The following MDGA2 variants were observed in gnomAD, a reference collection of about 807,000 sequenced individuals.
MDGA2 encodes the protein MAM domain-containing glycosylphosphatidylinositol anchor protein 2.
In MDGA2, 40 loss-of-function variants were observed where a neutral mutation model predicts 117.8. The ratio of observed to expected loss-of-function variants is 0.34; its 90% CI spans 0.26 to 0.44. The LOEUF (loss-of-function observed/expected upper bound fraction) is 0.44, where lower values mean the gene tolerates loss of function less well. MDGA2 is among the 20% of genes least tolerant of loss of function. The pLI, the probability that MDGA2 is intolerant of heterozygous loss-of-function variation, is 1.00. For synonymous variants in MDGA2, 452 were observed against 439.0 expected, an observed-to-expected ratio of 1.03 and a Z score of -0.37; for missense variants, 1,123 against 1,250.6, an observed-to-expected ratio of 0.90 and a Z score of 1.54.
intron 9 of MDGA2, among the ~76,000 whole-genome samples, chr14:46,941,539 A>C (rs1161898462): frequency 2.0e-5 from 3 of 152,174 alleles, no homozygotes; most frequent in Non-Finnish European, 4.4e-5. Context: ...GACAGAGGCC[A>C]GGTGCTTAAA....
In MDGA2 at chr14:46,867,921, T is replaced by C. The variant is rs573975349; in HGVS notation, c.2752+5512A>G. Among the ~76,000 whole-genome samples, 139 of 30,016 alleles carry C rather than the reference T, an allele frequency of 4.6e-3. 1 individual carries two copies. Among genetic ancestry groups the C allele is most frequent in the South Asian group, 0.031 (16 of 512 alleles). 19.7% of individuals were successfully genotyped at this position (30,016 alleles called of 152,430 possible). ...AGTTAAGTCAATAATAAACTTCATCTTCTGTCTGTTTTTTTTTTTACAATC... is the reference window on the plus strand; with the variant it reads ...AGTTAAGTCAATAATAAACTTCATCCTCTGTCTGTTTTTTTTTTTACAATC... On this transcript the variant is annotated intron_variant, in intron 14 of 16. Coordinates refer to ENST00000399232, the MANE Select transcript of MDGA2 (RefSeq NM_001113498.3).
At chr14:47,167,536 A>G (rs2139304047) in intron 3 of MDGA2, among the ~76,000 whole-genome samples, 1 of 152,220 alleles carries the variant, frequency 6.6e-6, no homozygotes, top group South Asian at 2.1e-4. Flanking sequence ...TTCACAAGAG[A>G]CAAAGTTACA....
At chr14:46,873,230 A>C (rs1882086685) in intron 14 of MDGA2, 1 of 476,488 alleles carries the variant, frequency 2.1e-6, no homozygotes. Flanking sequence ...GTAGGTGATG[A>C]TCTAAAATGT....
At chr14:47,225,635 G>T (rs1331781006) in intron 2 of MDGA2, among the ~76,000 whole-genome samples, 1 of 151,262 alleles carries the variant, frequency 6.6e-6, no homozygotes, top group African/African-American at 2.4e-5. Context: ...ACACAGGAAG[G>T]GGAACATCAC....
chr14:47,038,848 G>A (rs1328182428), intron 7 of MDGA2, among the ~76,000 whole-genome samples: 2 of 151,714 alleles, frequency 1.3e-5, no homozygotes, highest in East Asian at 3.9e-4. Context: ...AGGCTTAGGG[G>A]CTCAGGCAGG....
intron 1 of MDGA2, among the ~76,000 whole-genome samples, chr14:47,526,165 TAC>T (rs1198080103): frequency 6.6e-6 from 1 of 152,192 alleles, no homozygotes; most frequent in African/African-American, 2.4e-5. Context: ...ATATTAATCA[TAC>T]TTAGGCGTTC....
chr14:46,875,120 T>C (rs574192482), intron 12 of MDGA2, among the ~76,000 whole-genome samples: 2 of 151,896 alleles, frequency 1.3e-5, no homozygotes, highest in South Asian at 4.1e-4. Context: ...GGAGAAAACT[T>C]TGGCAAAGGT....
intron 9 of MDGA2, among the ~76,000 whole-genome samples, chr14:46,924,854 A>T (rs1884266693): frequency 6.6e-6 from 1 of 152,124 alleles, no homozygotes; most frequent in Non-Finnish European, 1.5e-5. Flanking sequence ...GGGATCAAAA[A>T]ACACTGCTGA....
chr14:47,493,140 T>A, intron 1 of MDGA2, among the ~76,000 whole-genome samples: 1 of 151,864 alleles, frequency 6.6e-6, no homozygotes, highest in East Asian at 1.9e-4. Context: ...ATCTTTGCAA[T>A]CTTTAAGGTA....
In MDGA2 at chr14:46,920,004, T is replaced by A; in HGVS notation, c.2238+8A>T. Reference sequence around the variant, plus strand: ...CAAAGAAAAAAGGACATCAGTTAGATTTCTCACCTGCCTGATGCCCAACCG... The same window carrying A: ...CAAAGAAAAAAGGACATCAGTTAGAATTCTCACCTGCCTGATGCCCAACCG... On this transcript the variant is annotated splice_region_variant and intron_variant, in intron 10 of 16. Coordinates refer to ENST00000399232, the MANE Select transcript of MDGA2 (RefSeq NM_001113498.3). 6.4e-7 allele frequency: 1 copy of A among 1,564,718 alleles called. No homozygotes were observed. The highest frequency in any genetic ancestry group is 1.7e-4 in the Middle Eastern group (1 of 5,932).
chr14:47,608,183 T>C (rs1896775539), intron 1 of MDGA2, among the ~76,000 whole-genome samples: 3 of 152,148 alleles, frequency 2.0e-5, no homozygotes, highest in Non-Finnish European at 2.9e-5. Flanking sequence ...GAATGATGCA[T>C]AGCATGTATC....
intron 1 of MDGA2, 53 bp downstream of exon 1, chr14:47,674,464 G>T: frequency 6.8e-7 from 1 of 1,472,080 alleles, no homozygotes; most frequent in Non-Finnish European, 9.2e-7. Flanking sequence ...TCGCTCACCA[G>T]CCTATCTTGC....
intron 3 of MDGA2, among the ~76,000 whole-genome samples, chr14:47,202,885 A>G (rs1205909979): frequency 6.7e-6 from 1 of 149,480 alleles, no homozygotes; most frequent in Non-Finnish European, 1.5e-5. Flanking sequence ...TTAATGCTAT[A>G]GAACTTATAT....
At chr14:47,379,785 A>G (rs1039352855) in intron 1 of MDGA2, among the ~76,000 whole-genome samples, 1 of 152,096 alleles carries the variant, frequency 6.6e-6, no homozygotes, top group South Asian at 2.1e-4. Flanking sequence ...AGACTTTAAC[A>G]CTCCACTGTC....
intron 1 of MDGA2, among the ~76,000 whole-genome samples, chr14:47,541,795 C>T (rs1314393120): frequency 6.6e-6 from 1 of 152,178 alleles, no homozygotes; most frequent in Non-Finnish European, 1.5e-5. Context: ...TTAAGCCTTG[C>T]AATCACTTCC....
At chr14:47,423,785 T>TAAC (rs1450196680) in intron 1 of MDGA2, among the ~76,000 whole-genome samples, 134 of 149,634 alleles carry the variant, frequency 9.0e-4, no homozygotes, top group African/African-American at 3.2e-3. Flanking sequence ...ACTGTTTATT[T>TAAC]TATTTAACTA....
chr14:47,140,772 G>A (rs575411182), intron 4 of MDGA2, among the ~76,000 whole-genome samples: 1 of 152,128 alleles, frequency 6.6e-6, no homozygotes, highest in African/African-American at 2.4e-5. Flanking sequence ...ATTGGTCTGG[G>A]GACAGGCAAC....
At chr14:46,996,378 G>T (rs1200203215) in intron 8 of MDGA2, 1 of 152,144 alleles carries the variant, frequency 6.6e-6, no homozygotes, top group East Asian at 1.9e-4. Flanking sequence ...CTTTCCTGAG[G>T]GAACCACAAC....
intron 3 of MDGA2, among the ~76,000 whole-genome samples, chr14:47,203,651 G>A (rs1265557258): frequency 6.6e-6 from 1 of 151,952 alleles, no homozygotes; most frequent in Admixed American, 6.6e-5. Context: ...AGAAAGAGAA[G>A]TAGAAGCTCA....
Sources: allele counts gnomAD v4.1 joint callset (sites outside exome capture counted in the v4.1 genomes callset), GRCh38; gene constraint gnomAD v4.1.1; transcripts MANE v1.5; gene names NCBI Gene and HGNC (gene_info 2026-07-23, HGNC 2026-07-21).